The following EPHA7 variants were observed in gnomAD, a reference collection of about 807,000 sequenced individuals.
EPHA7 encodes ephrin type-A receptor 7.
EPHA7 carries 25 observed loss-of-function variants against 112.6 expected under a neutral mutation model. The ratio of observed to expected loss-of-function variants is 0.22; its 90% CI spans 0.16 to 0.31. EPHA7 has a LOEUF of 0.31. Among genes scored for constraint, EPHA7 ranks in the 10% least tolerant of loss-of-function variants. The pLI is 1.00. For missense variants in EPHA7, 962 were observed against 1,212.6 expected, an observed-to-expected ratio of 0.79 and a Z score of 3.07; for synonymous variants, 437 against 406.5, an observed-to-expected ratio of 1.07 and a Z score of -0.90.
At chr6:93,384,247 C>T (rs1164127748) in intron 3 of EPHA7, among the ~76,000 whole-genome samples, 2 of 152,098 alleles carry the variant, frequency 1.3e-5, no homozygotes, top group Non-Finnish European at 2.9e-5. Context: ...ACACATCCCC[C>T]TCCCTTCTCT....
chr6:93,416,674 G>A (rs1036288227), intron 1 of EPHA7, among the ~76,000 whole-genome samples: 1 of 152,238 alleles, frequency 6.6e-6, no homozygotes, highest in Non-Finnish European at 1.5e-5. Context: ...TCGGAGCAGA[G>A]TGCCGACCTC....
intron 1 of EPHA7, among the ~76,000 whole-genome samples, chr6:93,418,251 C>G (rs1025633659): frequency 1.1e-4 from 17 of 152,156 alleles, no homozygotes; most frequent in Middle Eastern, 3.4e-3. Flanking sequence ...TTCCCCAGCT[C>G]CAACTACAGG....
rs1055444742 is a variant in EPHA7 at position 93,258,034 on chromosome 6, A to C, written c.2110+65T>G. ...TATTTCATAATTTGTTTTATTGTGT[A>C]CATAATAATACTAATTTCTGACACT... is the stretch of plus-strand genomic sequence containing the variant. On this transcript the variant is annotated intron_variant, in intron 11 of 16. Transcript: ENST00000369303. 4.2e-6 allele frequency: 6 copies of C among 1,421,420 alleles called. No individual in the cohort carries two copies. In the African/African-American group the frequency reaches 8.5e-5, roughly 20 times the overall value. The allele number at this position is 1,421,420 out of a possible 1,614,324, so 88.1% of individuals were successfully genotyped here.
Position 93,246,807 on chromosome 6 carries a change from A to G in EPHA7, c.2711T>C (p.Leu904Pro), listed in dbSNP as rs770497783. 6.2e-6 allele frequency: 10 copies of G among 1,607,212 alleles called. No homozygotes were observed. The highest frequency in any genetic ancestry group is 8.5e-6 in the Non-Finnish European group (10 of 1,174,092). ...IRNPNSLKTP[L>P]GTCSRPISPL... The stretch of plus-strand genomic sequence containing the variant: ...CATTTCTTACCTACTACAAGTTCCC[A>G]GGGGAGTTTTCAGACTATTTGGGTT... The change falls in exon 15 of 17, where the codon CTG (leucine) becomes CCG (proline). Residue 904 changes from leucine to proline, a missense_variant. Around this residue, in one of 3 missense-constraint regions of EPHA7, gnomAD observed 746 missense variants for 889.2 expected, o/e 0.84. Transcript: ENST00000369303.
At chr6:93,318,688 T>TA (rs1773924832) in intron 5 of EPHA7, among the ~76,000 whole-genome samples, 1 of 152,072 alleles carries the variant, frequency 6.6e-6, no homozygotes, top group Admixed American at 6.6e-5. Context: ...AATGATACCA[T>TA]AATGAGACTC....
At chr6:93,325,300 A>G (rs1774264994) in intron 5 of EPHA7, among the ~76,000 whole-genome samples, 1 of 151,304 alleles carries the variant, frequency 6.6e-6, no homozygotes, top group Non-Finnish European at 1.5e-5. Flanking sequence ...TTCTTTTTTA[A>G]TAAATAAAAT....
chr6:93,269,853 T>C lies in EPHA7; in HGVS notation c.1450-193A>G, dbSNP rs143871383. ...ATGTGAAACACATGCCTTTGTTATATATATTTAGGGCGAAATAATTTAGTT... is the reference window on the plus strand; with the variant it reads ...ATGTGAAACACATGCCTTTGTTATACATATTTAGGGCGAAATAATTTAGTT... On this transcript the variant is annotated intron_variant, in intron 6 of 16. Coordinates refer to ENST00000369303, the MANE Select transcript of EPHA7 (RefSeq NM_004440.4). 8.1e-3 allele frequency among the ~76,000 whole-genome samples: 1,223 copies of C among 151,924 alleles called. 17 individuals are homozygous for C. Among genetic ancestry groups the C allele is most frequent in the South Asian group, 0.018 (87 of 4,830 alleles).
rs188593353 is a variant in EPHA7 at position 93,400,824 on chromosome 6, C to T, written c.832+9677G>A. On this transcript the variant is annotated intron_variant, in intron 3 of 16. Coordinates refer to ENST00000369303, the MANE Select transcript of EPHA7 (RefSeq NM_004440.4). ...AACTGCTGGGATTACAGGCATCAGC[C>T]GCTGTGCCTACCAAGAATGATTTCT... 3.5e-3 allele frequency among the ~76,000 whole-genome samples: 535 copies of T among 152,178 alleles called. 3 individuals carry two copies. Among genetic ancestry groups the T allele is most frequent in the Non-Finnish European group, 6.0e-3 (410 of 68,008 alleles).
intron 5 of EPHA7, among the ~76,000 whole-genome samples, chr6:93,309,904 T>A (rs1773446605): frequency 6.6e-6 from 1 of 152,188 alleles, no homozygotes; most frequent in Non-Finnish European, 1.5e-5. Context: ...TTTGACTTTT[T>A]AAAATGGCAA....
At chr6:93,397,113 A>G (rs1778216869) in intron 3 of EPHA7, among the ~76,000 whole-genome samples, 1 of 151,722 alleles carries the variant, frequency 6.6e-6, no homozygotes, top group South Asian at 2.1e-4. Flanking sequence ...ATTAACCGCA[A>G]TCATTAAAAT....
intron 1 of EPHA7, among the ~76,000 whole-genome samples, 162 bp downstream of exon 1, chr6:93,419,083 G>A (rs1482684592): frequency 6.6e-6 from 1 of 152,258 alleles, no homozygotes; most frequent in Admixed American, 6.5e-5. Context: ...CGCGCTCGCT[G>A]GTCCGCCAGG....
rs764259302 is a variant in EPHA7, at chr6:93,246,830, G to A, written c.2688C>T (p.Asn896=). ...CCAGGGGAGTTTTCAGACTATTTGG[G>A]TTTCGAATCATTTTGTCTAGAATTC... ...IVGILDKMIR[N]PNSLKTPLGT... is the part of the protein sequence containing the mutation. Residue 896 remains asparagine, a synonymous_variant, in exon 15 of 17, where the codon AAC becomes AAT. Coordinates refer to ENST00000369303, the MANE Select transcript of EPHA7 (RefSeq NM_004440.4). 1.3e-5 allele frequency: 21 copies of A among 1,612,082 alleles called. No individual in the cohort carries two copies. In the South Asian group the frequency reaches 2.0e-4, roughly 15 times the overall value.
chr6:93,371,896 C>T (rs938608204), intron 3 of EPHA7, among the ~76,000 whole-genome samples: 1 of 152,006 alleles, frequency 6.6e-6, no homozygotes, highest in East Asian at 1.9e-4. Context: ...AAAGATTGCA[C>T]CCAAATGAAG....
chr6:93,290,367 T>C lies in EPHA7; in HGVS notation c.1325-17945A>G, dbSNP rs1350919791. ...ATATAATGCTGTCATGGAAACTGTA[T>C]TGGCTCATATTCTCTAAAAATGAAT... On this transcript the variant is annotated intron_variant, in intron 5 of 16. Transcript: ENST00000369303. Among the ~76,000 whole-genome samples the C allele has an allele frequency of 2.6e-5, 4 of 152,296 alleles. No homozygotes were observed. In the East Asian group the frequency reaches 5.8e-4, roughly 22 times the overall value.
intron 1 of EPHA7, among the ~76,000 whole-genome samples, chr6:93,416,076 C>T (rs1398409440): frequency 7.4e-6 from 1 of 135,086 alleles, no homozygotes. Context: ...TTAAGACTCT[C>T]AGGGAGACTG....
At chr6:93,409,259 T>C (rs1430203509) in intron 3 of EPHA7, among the ~76,000 whole-genome samples, 1 of 152,110 alleles carries the variant, frequency 6.6e-6, no homozygotes, top group Non-Finnish European at 1.5e-5. Flanking sequence ...TTCTCCTTGC[T>C]TTGTGATTAA....
intron 5 of EPHA7, among the ~76,000 whole-genome samples, chr6:93,320,737 T>G (rs939344728): frequency 8.6e-5 from 13 of 151,958 alleles, no homozygotes; most frequent in Non-Finnish European, 1.9e-4. Flanking sequence ...TGGGAAAATA[T>G]AATTTGGAAA....
At chr6:93,249,028 A>C (rs559243628) in intron 14 of EPHA7, among the ~76,000 whole-genome samples, 2 of 152,300 alleles carry the variant, frequency 1.3e-5, no homozygotes, top group South Asian at 4.1e-4. Context: ...TGTTTCTTTA[A>C]GTATTTTATT....
chr6:93,366,157 T>C (rs1776497953), intron 3 of EPHA7, among the ~76,000 whole-genome samples: 1 of 152,162 alleles, frequency 6.6e-6, no homozygotes, highest in Admixed American at 6.5e-5. Flanking sequence ...AAAGTCAAGT[T>C]AGAATATTCT....
Sources: allele counts gnomAD v4.1 joint callset (sites outside exome capture counted in the v4.1 genomes callset), GRCh38; gene constraint gnomAD v4.1.1; regional missense constraint gnomAD v4.1.1; transcripts MANE v1.5; gene names NCBI Gene and HGNC (gene_info 2026-07-23, HGNC 2026-07-21).